The following LINGO2 variants were observed in gnomAD, a reference collection of about 807,000 sequenced individuals.
The protein encoded by LINGO2 is leucine rich repeat and Ig domain containing 2, also known as leucine-rich repeat and immunoglobulin-like domain-containing nogo receptor-interacting protein 2.
In LINGO2, 14 loss-of-function variants were observed where a neutral mutation model predicts 30.6. The ratio of observed to expected loss-of-function variants is 0.46; its 90% confidence interval spans 0.30 to 0.72. The LOEUF (loss-of-function observed/expected upper bound fraction) is 0.72. Among genes scored for constraint, LINGO2 ranks in the 30% least tolerant of loss-of-function variants. The pLI is 0.07. For synonymous variants in LINGO2, 317 were observed against 288.5 expected, an observed-to-expected ratio of 1.10 and a Z score of -1.00; for missense variants, 729 against 751.7, an observed-to-expected ratio of 0.97 and a Z score of 0.35.
the LINGO2 span, among the ~76,000 whole-genome samples, chr9:28,932,389 C>A: frequency 2.3e-4 from 35 of 152,212 alleles, no homozygotes; most frequent in Admixed American, 1.8e-3. Context: ...TGATCCAGGA[C>A]TGGAGTCAAA....
intron 5 of LINGO2, among the ~76,000 whole-genome samples, chr9:28,002,576 G>C (rs887349482): frequency 2.0e-5 from 3 of 152,068 alleles, no homozygotes; most frequent in Non-Finnish European, 4.4e-5. Context: ...TTGCATTCTT[G>C]TTGATTGTTG....
chr9:28,264,678 C>CCA, intron 4 of LINGO2, among the ~76,000 whole-genome samples: 1 of 151,990 alleles, frequency 6.6e-6, no homozygotes, highest in East Asian at 2.0e-4. Context: ...TCTAGCTCGG[C>CCA]CACACACACT....
intron 1 of LINGO2, among the ~76,000 whole-genome samples, chr9:28,493,076 A>G (rs1305879845): frequency 6.6e-6 from 1 of 152,128 alleles, no homozygotes; most frequent in Non-Finnish European, 1.5e-5. Flanking sequence ...CTTAAAGGAA[A>G]CAAGTATCCC....
At chr9:28,107,972 A>T (rs1212507959) in intron 4 of LINGO2, among the ~76,000 whole-genome samples, 1 of 152,188 alleles carries the variant, frequency 6.6e-6, no homozygotes, top group African/African-American at 2.4e-5. Flanking sequence ...AGTCTAAAGT[A>T]GAATCCACAG....
In LINGO2 at chr9:28,279,137, C is replaced by A. The variant is rs140753151; in HGVS notation, c.-87+16071G>T. On this transcript the variant is annotated intron_variant, in intron 4 of 5. Coordinates refer to ENST00000379992, the Ensembl canonical transcript of LINGO2. Reference sequence around the variant, plus strand: ...AATTGCTACAATCTCATGATCAAACCTGAATGGATGAGAAGTTGCTTCTTA... The same window carrying A: ...AATTGCTACAATCTCATGATCAAACATGAATGGATGAGAAGTTGCTTCTTA... Among the ~76,000 whole-genome samples, 425 of 152,210 alleles carry A rather than the reference C, an allele frequency of 2.8e-3. 2 individuals are homozygous for A. The highest frequency in any genetic ancestry group is 9.8e-3 in the African/African-American group (407 of 41,540).
intron 2 of LINGO2, among the ~76,000 whole-genome samples, chr9:28,375,692 A>C (rs948690051): frequency 5.3e-5 from 8 of 152,200 alleles, no homozygotes; most frequent in African/African-American, 1.9e-4. Context: ...AACAGGTAGA[A>C]TACATGGGTC....
chr9:28,101,366 G>C (rs1291814956), intron 4 of LINGO2, among the ~76,000 whole-genome samples: 2 of 152,008 alleles, frequency 1.3e-5, no homozygotes, highest in Non-Finnish European at 2.9e-5. Context: ...CCAAATGTTA[G>C]TATACAAAAT....
At chr9:29,055,068 A>T in the LINGO2 span, among the ~76,000 whole-genome samples, 1 of 152,000 alleles carries the variant, frequency 6.6e-6, no homozygotes, top group Non-Finnish European at 1.5e-5. Flanking sequence ...AAAATACAAA[A>T]ATTAGACAGG....
At chr9:29,212,084 C>A in the LINGO2 span, among the ~76,000 whole-genome samples, 1 of 152,194 alleles carries the variant, frequency 6.6e-6, no homozygotes, top group African/African-American at 2.4e-5. Flanking sequence ...AGAAAGAGGG[C>A]ATTACCTCCC....
At chr9:28,928,568 C>T in the LINGO2 span, among the ~76,000 whole-genome samples, 1 of 152,036 alleles carries the variant, frequency 6.6e-6, no homozygotes, top group Non-Finnish European at 1.5e-5. Flanking sequence ...CACTCAGGCA[C>T]TGAGAACATT....
chr9:28,122,848 T>C (rs982023448), intron 4 of LINGO2, among the ~76,000 whole-genome samples: 12 of 152,238 alleles, frequency 7.9e-5, no homozygotes, highest in African/African-American at 2.9e-4. Context: ...TATTTACTGG[T>C]CTAAAATGTG....
At chr9:29,173,640 A>C in the LINGO2 span, among the ~76,000 whole-genome samples, 1 of 152,146 alleles carries the variant, frequency 6.6e-6, no homozygotes, top group Non-Finnish European at 1.5e-5. Context: ...GTGTGAGATT[A>C]ATTCTACTAA....
intron 1 of LINGO2, among the ~76,000 whole-genome samples, chr9:28,571,582 A>C (rs2135594450): frequency 6.6e-6 from 1 of 152,222 alleles, no homozygotes; most frequent in African/African-American, 2.4e-5. Context: ...GAAGTTAAAT[A>C]ACTTGCATAT....
At chr9:28,896,479 G>A in the LINGO2 span, among the ~76,000 whole-genome samples, 499 of 28,366 alleles carry the variant, frequency 0.018, 1 homozygote, top group African/African-American at 0.037. Context: ...TAGAATATGA[G>A]CAAGAAATAC....
the LINGO2 span, among the ~76,000 whole-genome samples, chr9:28,842,141 A>C: frequency 6.6e-6 from 1 of 151,874 alleles, no homozygotes; most frequent in Non-Finnish European, 1.5e-5. Context: ...GACAGTGAAA[A>C]AATATTCGTT....
intron 1 of LINGO2, among the ~76,000 whole-genome samples, chr9:28,493,932 G>C (rs536907301): frequency 7.9e-5 from 12 of 152,196 alleles, no homozygotes; most frequent in African/African-American, 2.4e-4. Context: ...GACTTGACTG[G>C]CTTCCTCTCT....
At chr9:28,497,295 C>T (rs1015111560) in intron 1 of LINGO2, among the ~76,000 whole-genome samples, 1 of 152,188 alleles carries the variant, frequency 6.6e-6, no homozygotes, top group African/African-American at 2.4e-5. Context: ...TTCAGGTACA[C>T]CAATCAGACA....
rs77310744 is a variant in LINGO2, at chr9:28,360,837, T to A, written c.-246+11999A>T. On this transcript the variant is annotated intron_variant, in intron 3 of 5. Transcript: ENST00000379992. ...GCCAGCACTTCTCTTCTTCTATTCC[T>A]GAGTATGACCTCCAAACACAACTCA... is the stretch of plus-strand genomic sequence containing the variant. Among the ~76,000 whole-genome samples, 271 of 152,260 alleles carry A rather than the reference T, an allele frequency of 1.8e-3. 1 individual carries two copies. The highest frequency in any genetic ancestry group is 6.2e-3 in the African/African-American group (257 of 41,558).
At chr9:28,747,227 G>A in the LINGO2 span, among the ~76,000 whole-genome samples, 18 of 151,772 alleles carry the variant, frequency 1.2e-4, no homozygotes, top group African/African-American at 2.9e-4. Flanking sequence ...GAGAAGGAAC[G>A]TTTGAATGCT....
Sources: allele counts gnomAD v4.1 joint callset (sites outside exome capture counted in the v4.1 genomes callset), GRCh38; gene constraint gnomAD v4.1.1; transcripts MANE v1.5; gene names NCBI Gene and HGNC (gene_info 2026-07-23, HGNC 2026-07-21).